Variants in SYNDIG1 observed in about 807,000 individuals in gnomAD.
SYNDIG1 encodes synapse differentiation inducing 1.
SYNDIG1 carries 9 observed loss-of-function variants against 19.4 expected under a neutral mutation model. The ratio of observed to expected loss-of-function variants is 0.46; its 90% CI spans 0.28 to 0.81. SYNDIG1 has a LOEUF of 0.81. Ranked by LOEUF, SYNDIG1 falls within the 30% of genes least tolerant of loss-of-function variation. The probability of loss-of-function intolerance (pLI) is 0.12; values close to 1 mark genes in which losing one functional copy is unlikely to be tolerated. For missense variants in SYNDIG1, 311 were observed against 343.3 expected (o/e 0.91, Z 0.74); for synonymous variants, 141 against 145.9 (o/e 0.97, Z 0.24).
chr20:24,599,290 C>T (rs2058642872), intron 3 of SYNDIG1, among the ~76,000 whole-genome samples: 1 of 152,138 alleles, frequency 6.6e-6, no homozygotes, highest in Admixed American at 6.5e-5. Context: ...GAGATATCAT[C>T]ATCTTATCCC....
At chr20:24,617,485 A>G (rs574307156) in intron 3 of SYNDIG1, among the ~76,000 whole-genome samples, 3 of 152,150 alleles carry the variant, frequency 2.0e-5, no homozygotes, top group Non-Finnish European at 4.4e-5. Flanking sequence ...CCTGTGAGAC[A>G]AGACCTTTAA....
At chr20:24,544,895 T>C (rs2057543275) in intron 2 of SYNDIG1, among the ~76,000 whole-genome samples, 2 of 152,084 alleles carry the variant, frequency 1.3e-5, no homozygotes. Flanking sequence ...GCTCTGTGAC[T>C]TTCTGCAGCC....
At chr20:24,603,678 T>C (rs1164214248) in intron 3 of SYNDIG1, among the ~76,000 whole-genome samples, 1 of 152,138 alleles carries the variant, frequency 6.6e-6, no homozygotes, top group Non-Finnish European at 1.5e-5. Flanking sequence ...AGCATTGCAT[T>C]GAGAGTAGAG....
At chr20:24,582,892 A>G (rs2058354023) in intron 2 of SYNDIG1, among the ~76,000 whole-genome samples, 1 of 152,224 alleles carries the variant, frequency 6.6e-6, no homozygotes, top group African/African-American at 2.4e-5. Flanking sequence ...CGAGGCCAGG[A>G]GCTGGCACTG....
intron 2 of SYNDIG1, among the ~76,000 whole-genome samples, chr20:24,555,711 A>T (rs1375587025): frequency 6.6e-6 from 1 of 151,722 alleles, no homozygotes; most frequent in African/African-American, 2.4e-5. Flanking sequence ...TGCTGAGGAG[A>T]GCTTTACTTC....
At chr20:24,518,607 C>A (rs1342622834) in intron 1 of SYNDIG1, among the ~76,000 whole-genome samples, 1 of 152,162 alleles carries the variant, frequency 6.6e-6, no homozygotes, top group Non-Finnish European at 1.5e-5. Context: ...AAACAAAGCT[C>A]ACTTCTTGTG....
intron 3 of SYNDIG1, among the ~76,000 whole-genome samples, chr20:24,649,817 C>T (rs2059452953): frequency 6.6e-6 from 1 of 152,150 alleles, no homozygotes; most frequent in Non-Finnish European, 1.5e-5. Flanking sequence ...GGCCATCTTG[C>T]TGGAATGAAA....
At chr20:24,620,241 C>T (rs11697994) in intron 3 of SYNDIG1, among the ~76,000 whole-genome samples, 25,294 of 152,170 alleles carry the variant, frequency 0.17, 2,621 homozygotes, top group East Asian at 0.45. Flanking sequence ...ACAACTTTTT[C>T]ATTATGCTCA....
At chr20:24,503,207 G>A (rs952149611) in intron 1 of SYNDIG1, among the ~76,000 whole-genome samples, 1 of 152,156 alleles carries the variant, frequency 6.6e-6, no homozygotes, top group Non-Finnish European at 1.5e-5. Flanking sequence ...GCCAGAAGGC[G>A]GCTTGTAATG....
rs942837522 is a variant in SYNDIG1, at chr20:24,630,436, A to T, written c.619-34910A>T. Among the ~76,000 whole-genome samples, 6 of 152,350 alleles carry T rather than the reference A, an allele frequency of 3.9e-5. No homozygotes were observed. The South Asian group carries it at 6.2e-4, about 16-fold the overall frequency. On this transcript the variant is annotated intron_variant, in intron 3 of 3. Coordinates refer to ENST00000376862, the MANE Select transcript of SYNDIG1 (RefSeq NM_024893.3). The stretch of plus-strand genomic sequence containing the variant: ...CCTAGATATTTTCCCAAGAGAAATG[A>T]ACTCAGAAATGTCCACAAAGAGAGA...
chr20:24,599,895 G>A (rs1348929597), intron 3 of SYNDIG1, among the ~76,000 whole-genome samples: 3 of 152,154 alleles, frequency 2.0e-5, no homozygotes, highest in Non-Finnish European at 2.9e-5. Context: ...GTTAGATAGA[G>A]GGAATACATT....
intron 1 of SYNDIG1, among the ~76,000 whole-genome samples, chr20:24,481,668 C>G (rs1296554671): frequency 6.6e-6 from 1 of 152,166 alleles, no homozygotes; most frequent in African/African-American, 2.4e-5. Flanking sequence ...ATTCAATCTG[C>G]CATGCAGACA....
Position 24,543,123 on chromosome 20 carries a change from G to T in SYNDIG1, c.26G>T (p.Ser9Ile). 1 of 1,614,096 alleles carries T rather than the reference G, an allele frequency of 6.2e-7. No homozygotes were observed. Among genetic ancestry groups the T allele is most frequent in the Non-Finnish European group, 8.5e-7 (1 of 1,179,988 alleles). MDGIIEQK[S>I]MLVHSKISDA... ...ATGGATGGCATCATTGAACAGAAGAGCATGCTGGTGCACAGTAAAATCAGT... is the reference window on the plus strand; with the variant it reads ...ATGGATGGCATCATTGAACAGAAGATCATGCTGGTGCACAGTAAAATCAGT... The change falls in exon 2 of 4, where the codon AGC becomes ATC. Residue 9 changes from serine to isoleucine, a missense_variant. Coordinates refer to ENST00000376862, the MANE Select transcript of SYNDIG1 (RefSeq NM_024893.3).
intron 3 of SYNDIG1, among the ~76,000 whole-genome samples, chr20:24,656,593 A>G (rs2059528019): frequency 6.6e-6 from 1 of 152,204 alleles, no homozygotes; most frequent in Admixed American, 6.5e-5. Context: ...GGGCACCAGG[A>G]TGCAGGACCG....
chr20:24,590,451 A>C (rs1044579773), intron 3 of SYNDIG1, among the ~76,000 whole-genome samples: 1 of 152,082 alleles, frequency 6.6e-6, no homozygotes, highest in Non-Finnish European at 1.5e-5. Context: ...CTGTGGCCAC[A>C]TGCTCCCGGG....
chr20:24,571,485 A>G (rs1044331682), intron 2 of SYNDIG1, among the ~76,000 whole-genome samples: 6 of 152,196 alleles, frequency 3.9e-5, no homozygotes, highest in Non-Finnish European at 7.3e-5. Context: ...ATATATATAT[A>G]TACACACACA....
At chr20:24,481,030 A>G (rs1236168866) in intron 1 of SYNDIG1, among the ~76,000 whole-genome samples, 1 of 152,232 alleles carries the variant, frequency 6.6e-6, no homozygotes, top group Non-Finnish European at 1.5e-5. Context: ...GAGATGAAAA[A>G]GTTCTGGAGA....
At chr20:24,641,112 C>A (rs2059372080) in intron 3 of SYNDIG1, among the ~76,000 whole-genome samples, 1 of 152,236 alleles carries the variant, frequency 6.6e-6, no homozygotes, top group Non-Finnish European at 1.5e-5. Context: ...GCACTTACTA[C>A]AATCCAAGAG....
intron 2 of SYNDIG1, among the ~76,000 whole-genome samples, chr20:24,577,072 C>T (rs1002770429): frequency 2.6e-5 from 4 of 151,950 alleles, no homozygotes; most frequent in Admixed American, 2.6e-4. Context: ...ACAGCATATA[C>T]CCAAGATGAT....
Sources: gnomAD v4.1 joint callset for allele counts (sites outside exome capture counted in the v4.1 genomes callset) on GRCh38, gnomAD v4.1.1 for gene constraint, MANE v1.5 for transcripts, NCBI Gene and HGNC (gene_info 2026-07-23, HGNC 2026-07-21) for gene names.